CEP152: variants seen among roughly 807,000 people sequenced by gnomAD.
CEP152 encodes the protein centrosomal protein 152, also known as centrosomal protein of 152 kDa.
In CEP152, 132 loss-of-function variants were observed where a neutral mutation model predicts 188.9. That is an observed-to-expected ratio of 0.70 (90% CI 0.61 to 0.81). CEP152 has a LOEUF of 0.81. Ranked by LOEUF, CEP152 falls within the 30% of genes least tolerant of loss-of-function variation. The pLI is 0.00. For synonymous variants in CEP152, 649 were observed against 666.6 expected (o/e 0.97, Z 0.41); for missense variants, 1,914 against 1,969.8 (o/e 0.97, Z 0.54).
Position 48,739,124 on chromosome 15 carries a change from G to T in CEP152, c.4258C>A (p.Gln1420Lys), listed in dbSNP as rs772898403. 6.2e-7 allele frequency: 1 copy of T among 1,614,204 alleles called. No homozygotes were observed. Among genetic ancestry groups the T allele is most frequent in the Non-Finnish European group, 8.5e-7 (1 of 1,180,018 alleles). ...TGCTCTGAGTTCTCTAACAGCCTTT[G>T]TAAGTTACAAGCTGCCCTCCTCTTG... is the stretch of plus-strand genomic sequence containing the variant. ...APKRRAACNLQRLLENSEHQS... is the reference protein window; with the variant it reads ...APKRRAACNLKRLLENSEHQS... The change falls in exon 27 of 27, where the codon CAA becomes AAA. Residue 1420 changes from glutamine (Q) to lysine (K), a missense_variant. Transcript: ENST00000380950.
Position 48,797,957 on chromosome 15 carries a change from G to A in CEP152, c.182C>T (p.Thr61Ile). ...LQYSDCSEDG[T>I]DGQPHHPEQL... ...GACTTCAGGTGCTTACTGTCCGTCTGTGCCATCCTCGCTGCAGTCCGAATA... is the reference window on the plus strand; with the variant it reads ...GACTTCAGGTGCTTACTGTCCGTCTATGCCATCCTCGCTGCAGTCCGAATA... The change falls in exon 3 of 27, where the codon ACA becomes ATA. Residue 61 changes from threonine (T) to isoleucine (I), a missense_variant. Transcript: ENST00000380950. 1 of 1,613,730 alleles carries A rather than the reference G, an allele frequency of 6.2e-7. No individual in the cohort carries two copies. Among genetic ancestry groups the A allele is most frequent in the South Asian group, 1.1e-5 (1 of 91,042 alleles).
chr15:48,790,202 G>T (rs1017680461), intron 8 of CEP152, among the ~76,000 whole-genome samples: 5 of 152,142 alleles, frequency 3.3e-5, no homozygotes, highest in African/African-American at 1.2e-4. Flanking sequence ...GAATGACACA[G>T]ATCATTTGTG....
chr15:48,767,519 G>A, intron 15 of CEP152, 56 bp from the exon 16 acceptor site: 1 of 1,611,520 alleles, frequency 6.2e-7, no homozygotes, highest in Non-Finnish European at 8.5e-7. Flanking sequence ...ACACCAAAAT[G>A]AATTGGTTTC....
intron 24 of CEP152, among the ~76,000 whole-genome samples, chr15:48,743,047 A>T (rs557069340): frequency 1.3e-5 from 2 of 152,332 alleles, no homozygotes; most frequent in South Asian, 4.1e-4. Flanking sequence ...AAAATAACTA[A>T]AACATAATAT....
chr15:48,797,346 T>A lies in CEP152; in HGVS notation c.495A>T (p.Ala165=). 1 of 1,614,100 alleles carries A rather than the reference T, an allele frequency of 6.2e-7. No individual in the cohort carries two copies. Among genetic ancestry groups the A allele is most frequent in the Non-Finnish European group, 8.5e-7 (1 of 1,179,990 alleles). The change falls in exon 5 of 27, where the codon GCA becomes GCT. Residue 165 remains alanine (A), a synonymous_variant. Transcript: ENST00000380950. ...GATCTGAAAATTTAATTACATTGGT[T>A]GCTTGGTTATTAAATTCCTGCTTCT... The part of the protein sequence containing the change: ...NGQKQEFNNQ[A]TNVIKFSDPQ...
downstream of CEP152, among the ~76,000 whole-genome samples, chr15:48,736,585 C>T (rs76577485): frequency 0.012 from 1,856 of 152,174 alleles, 21 homozygotes; most frequent in East Asian, 0.042. Context: ...AAGTGGATAC[C>T]TTCATATTTA....
rs1894277359 is a variant in CEP152 at position 48,756,425 on chromosome 15, C to A, written c.2823G>T (p.Lys941Asn). The A allele has an allele frequency of 6.2e-7, 1 of 1,613,586 alleles. No homozygotes were observed. Among genetic ancestry groups the A allele is most frequent in the Admixed American group, 1.7e-5 (1 of 59,956 alleles). ...TGATGACCACAGGGACTTCTTCGTTCTTTAACTCAAGTTCCTTCTGAAGAG... is the reference window on the plus strand; with the variant it reads ...TGATGACCACAGGGACTTCTTCGTTATTTAACTCAAGTTCCTTCTGAAGAG... ...IHSLQKELEL[K>N]NEEVPVVIRA... is the part of the protein sequence containing the mutation. The change falls in exon 20 of 27, where the codon AAG (lysine) becomes AAT (asparagine). Residue 941 changes from lysine (K) to asparagine (N), a missense_variant. Coordinates refer to ENST00000380950, the MANE Select transcript of CEP152 (RefSeq NM_001194998.2).
At chr15:48,760,037 C>T in intron 19 of CEP152, 98 bp downstream of exon 19, 1 of 1,510,514 alleles carries the variant, frequency 6.6e-7, no homozygotes, top group Non-Finnish European at 9.2e-7. Flanking sequence ...GTTTATCCTT[C>T]AACAATTCTA....
intron 1 of CEP152, chr15:48,810,558 T>A (rs574258569): frequency 6.6e-6 from 1 of 152,316 alleles, no homozygotes; most frequent in Non-Finnish European, 1.5e-5. Context: ...ACTACAAACA[T>A]GACCAAAGCC....
chr15:48,765,964 A>G (rs1202163179), intron 17 of CEP152, among the ~76,000 whole-genome samples: 1 of 151,342 alleles, frequency 6.6e-6, no homozygotes, highest in Admixed American at 6.6e-5. Context: ...CAATTTTTAT[A>G]CATATAAAAG....
At chr15:48,761,335 A>C (rs2140707975) in intron 18 of CEP152, among the ~76,000 whole-genome samples, 2 of 152,346 alleles carry the variant, frequency 1.3e-5, no homozygotes, top group East Asian at 3.9e-4. Flanking sequence ...TCAAGTATTT[A>C]TCAAAAGTAG....
intron 10 of CEP152, among the ~76,000 whole-genome samples, chr15:48,782,784 GT>G (rs1896341187): frequency 6.6e-6 from 1 of 152,088 alleles, no homozygotes; most frequent in African/African-American, 2.4e-5. Flanking sequence ...ACATTATTAG[GT>G]TTCAAAAGAA....
chr15:48,792,453 A>C (rs935577161), intron 7 of CEP152, among the ~76,000 whole-genome samples: 2 of 152,252 alleles, frequency 1.3e-5, no homozygotes, highest in Non-Finnish European at 2.9e-5. Context: ...CAATCACAAA[A>C]GTATTCTGCA....
In CEP152 at chr15:48,739,191, A is replaced by C. The variant is rs764044753; in HGVS notation, c.4191T>G (p.Asn1397Lys). 2 of 1,613,582 alleles carry C rather than the reference A, an allele frequency of 1.2e-6. No individual in the cohort carries two copies. The highest frequency in any genetic ancestry group is 1.7e-6 in the Non-Finnish European group (2 of 1,179,858). Residue 1397 changes from asparagine (N) to lysine (K), a missense_variant, in exon 27 of 27, where the codon AAT becomes AAG. By Grantham distance (94) the Asn-to-Lys change is moderately conservative. Coordinates refer to ENST00000380950, the MANE Select transcript of CEP152 (RefSeq NM_001194998.2). ...GAGTTCTGGTGATGGTGTTTACACT[A>C]TTTGATTTGCTTTCAATACAACATG... Reference protein sequence around the residue: ...KIPCCIESKSNSVNTITRTLC... With the variant: ...KIPCCIESKSKSVNTITRTLC...
intron 20 of CEP152, among the ~76,000 whole-genome samples, chr15:48,753,531 G>A (rs1373153816): frequency 2.0e-5 from 3 of 152,310 alleles, no homozygotes; most frequent in East Asian, 3.9e-4. Flanking sequence ...AACAGAAGCA[G>A]AGGTTAGCAA....
intron 12 of CEP152, chr15:48,773,616 A>G (rs1345764542): frequency 6.6e-6 from 1 of 152,242 alleles, no homozygotes; most frequent in Non-Finnish European, 1.5e-5. Context: ...TAGGAAATGA[A>G]TAAGGCTGGG....
chr15:48,803,115 C>T (rs1897775773), intron 2 of CEP152, among the ~76,000 whole-genome samples: 1 of 152,198 alleles, frequency 6.6e-6, no homozygotes, highest in South Asian at 2.1e-4. Context: ...CCTCCCACAT[C>T]AGCAACTTGA....
intron 12 of CEP152, among the ~76,000 whole-genome samples, chr15:48,775,922 TAA>T (rs11292546): frequency 9.4e-5 from 14 of 149,732 alleles, no homozygotes; most frequent in African/African-American, 2.4e-4. Context: ...AATAAAACAG[TAA>T]AAAAAAAAAG....
intron 7 of CEP152, 142 bp from the exon 8 acceptor site, chr15:48,791,518 T>C: frequency 4.0e-6 from 3 of 747,574 alleles, no homozygotes; most frequent in Non-Finnish European, 6.5e-6. Flanking sequence ...TTAGTTGATT[T>C]AGAGAAAACT....
Sources: allele counts gnomAD v4.1 joint callset (sites outside exome capture counted in the v4.1 genomes callset), GRCh38; gene constraint gnomAD v4.1.1; transcripts MANE v1.5; gene names NCBI Gene and HGNC (gene_info 2026-07-23, HGNC 2026-07-21).